The following SRGAP2 variants were observed in gnomAD, a reference collection of about 807,000 sequenced individuals.
SRGAP2 encodes SLIT-ROBO Rho GTPase activating protein 2.
Under a neutral mutation model 57.2 loss-of-function variants are expected in SRGAP2, and 15 were observed. That is an observed-to-expected ratio of 0.26 (90% CI 0.18 to 0.40). The LOEUF (loss-of-function observed/expected upper bound fraction) is 0.40, where lower values mean the gene tolerates loss of function less well. SRGAP2 is among the 10% of genes least tolerant of loss of function. SRGAP2 has a pLI of 1.00. For synonymous variants in SRGAP2, 249 were observed against 248.0 expected, an observed-to-expected ratio of 1.00 and a Z score of -0.04; for missense variants, 520 against 669.6, an observed-to-expected ratio of 0.78 and a Z score of 2.47.
intron 13 of SRGAP2, among the ~76,000 whole-genome samples, chr1:206,423,543 T>C (rs1660502274): frequency 6.6e-6 from 1 of 152,208 alleles, no homozygotes; most frequent in Non-Finnish European, 1.5e-5. Context: ...TCTCTGTTTG[T>C]GTTCGGGGGG....
intron 21 of SRGAP2, among the ~76,000 whole-genome samples, chr1:206,458,166 C>T (rs116793217): frequency 3.9e-5 from 6 of 152,218 alleles, no homozygotes; most frequent in Admixed American, 3.3e-4. Context: ...AAAACAGTTA[C>T]AGTCTTTTTG....
chr1:206,364,539 G>A (rs533077178), intron 4 of SRGAP2, among the ~76,000 whole-genome samples: 4 of 152,026 alleles, frequency 2.6e-5, no homozygotes, highest in Non-Finnish European at 5.9e-5. Flanking sequence ...GACCTCAGGT[G>A]ATCCACCCGC....
intron 2 of SRGAP2, among the ~76,000 whole-genome samples, chr1:206,286,271 A>G (rs1671018292): frequency 6.6e-6 from 1 of 151,862 alleles, no homozygotes; most frequent in South Asian, 2.1e-4. Context: ...TTGTCAAAAT[A>G]TAGCAGAGGT....
intron 4 of SRGAP2, among the ~76,000 whole-genome samples, chr1:206,383,230 G>A (rs1162490993): frequency 2.0e-5 from 3 of 149,472 alleles, no homozygotes; most frequent in Non-Finnish European, 4.4e-5. Context: ...TCACTATGTT[G>A]GCCATGCTGG....
chr1:206,282,976 C>CT (rs1221550627), intron 2 of SRGAP2, among the ~76,000 whole-genome samples: 1 of 142,510 alleles, frequency 7.0e-6, no homozygotes, highest in Non-Finnish European at 1.5e-5. Context: ...ACAGTCTCAT[C>CT]TTTTTTTCCT....
intron 4 of SRGAP2, among the ~76,000 whole-genome samples, chr1:206,360,049 G>A (rs1207413426): frequency 5.3e-5 from 8 of 151,564 alleles, no homozygotes; most frequent in Non-Finnish European, 1.2e-4. Context: ...CTCGTGATCC[G>A]CCCGCCTCGG....
intron 13 of SRGAP2, among the ~76,000 whole-genome samples, chr1:206,429,152 T>C (rs1336649952): frequency 1.3e-5 from 2 of 152,106 alleles, no homozygotes; most frequent in Non-Finnish European, 2.9e-5. Flanking sequence ...GAAGGCAAAT[T>C]GAGGCCCAAA....
intron 14 of SRGAP2, 46 bp downstream of exon 14, chr1:206,430,268 A>G: frequency 1.3e-6 from 1 of 779,882 alleles, no homozygotes; most frequent in Non-Finnish European, 2.4e-6. Context: ...AAGATTGGGA[A>G]GAACTTCCAG....
At chr1:206,418,560 G>T (rs1659958759) in intron 11 of SRGAP2, among the ~76,000 whole-genome samples, 2 of 152,122 alleles carry the variant, frequency 1.3e-5, no homozygotes, top group Admixed American at 1.3e-4. Flanking sequence ...ATTAACTGTG[G>T]TCCTAAAGAA....
chr1:206,322,898 T>A (rs11249379), intron 3 of SRGAP2, among the ~76,000 whole-genome samples: 1 of 133,618 alleles, frequency 7.5e-6, no homozygotes, highest in Non-Finnish European at 1.5e-5. Flanking sequence ...GACAACATGG[T>A]GGAGAAGCTG....
Position 206,372,961 on chromosome 1 carries a change from T to TTTCC in SRGAP2, c.424-11050_424-11047dup, listed in dbSNP as rs1333006599. Among the ~76,000 whole-genome samples, 14 of 11,046 alleles carry TTTCC rather than the reference T, an allele frequency of 1.3e-3. 4 individuals carry two copies. The South Asian group carries it at 0.028, about 22-fold the overall frequency. 7.2% of individuals were successfully genotyped at this position (11,046 alleles called of 152,430 possible). On this transcript the variant is annotated intron_variant, in intron 4 of 22. Transcript: ENST00000573034. ...TTTCTTTCTTTCTTTCTTTCTTTTC[T>TTTCC]TTCCTTTCTTTCTTTCTTTCTTTCT...
At chr1:206,418,102 A>G (rs2103229886) in intron 11 of SRGAP2, among the ~76,000 whole-genome samples, 1 of 151,456 alleles carries the variant, frequency 6.6e-6, no homozygotes, top group East Asian at 1.9e-4. Flanking sequence ...TCTAGCAATA[A>G]AGAAAAAAAA....
At chr1:206,375,157 T>G (rs1206122380) in intron 4 of SRGAP2, among the ~76,000 whole-genome samples, 1 of 150,156 alleles carries the variant, frequency 6.7e-6, no homozygotes, top group Non-Finnish European at 1.5e-5. Flanking sequence ...TCATTCTGGC[T>G]CTTTCCCCCG....
intron 3 of SRGAP2, among the ~76,000 whole-genome samples, chr1:206,309,908 A>G (rs1299659427): frequency 6.6e-6 from 1 of 151,242 alleles, no homozygotes; most frequent in Admixed American, 6.6e-5. Flanking sequence ...TTGCATTGGT[A>G]GTAAAAGTTA....
chr1:206,302,523 G>A lies in SRGAP2; in HGVS notation c.68-758G>A, dbSNP rs1157593278. ...GCATCTATGAAGATTAAGCAACACA[G>A]ATATGAGTGATATTTGTTAGTGAAA... On this transcript the variant is annotated intron_variant, in intron 2 of 22. Transcript: ENST00000573034. Among the ~76,000 whole-genome samples, 7 of 151,642 alleles carry A rather than the reference G, an allele frequency of 4.6e-5. No homozygotes were observed. The East Asian group carries it at 1.4e-3, about 30-fold the overall frequency.
chr1:206,270,634 A>G (rs1670130634), intron 2 of SRGAP2, among the ~76,000 whole-genome samples: 1 of 148,322 alleles, frequency 6.7e-6, no homozygotes, highest in Non-Finnish European at 1.5e-5. Flanking sequence ...ATAGCTATGC[A>G]GTGGAATGCT....
At chr1:206,428,263 A>G (rs920709643) in intron 13 of SRGAP2, among the ~76,000 whole-genome samples, 5 of 151,702 alleles carry the variant, frequency 3.3e-5, no homozygotes, top group Admixed American at 1.3e-4. Context: ...AAAAATACAA[A>G]AAAATTAGCT....
chr1:206,451,419 ACCT>A (rs1396294339), intron 19 of SRGAP2, among the ~76,000 whole-genome samples: 2 of 151,804 alleles, frequency 1.3e-5, no homozygotes, highest in Non-Finnish European at 2.9e-5. Flanking sequence ...ACAGCTCCAC[ACCT>A]CCTCTGGATC....
rs1553380662 is a variant in SRGAP2, at chr1:206,461,313, C to T, written c.3109C>T (p.Pro1037Ser). 1 of 780,864 alleles carries T rather than the reference C, an allele frequency of 1.3e-6. No homozygotes were observed. Among genetic ancestry groups the T allele is most frequent in the African/African-American group, 1.7e-5 (1 of 59,162 alleles). The allele number at this position is 780,864 out of a possible 1,614,324, so 48.4% of individuals were successfully genotyped here. The part of the protein sequence containing the change: ...SVKMAAPVKP[P>S]ATRPKPTVFP... ...CAAGATGGCTGCCCCGGTCAAACCA[C>T]CAGCCACACGGCCCAAGCCCACTGT... Residue 1037 changes from proline (P) to serine (S), a missense_variant, in exon 23 of 23, where the codon CCA becomes TCA. Transcript: ENST00000573034.
Sources: allele counts gnomAD v4.1 joint callset (sites outside exome capture counted in the v4.1 genomes callset), GRCh38; gene constraint gnomAD v4.1.1; transcripts MANE v1.5; gene names NCBI Gene and HGNC (gene_info 2026-07-23, HGNC 2026-07-21).